Variants in SSR1 observed in about 807,000 individuals in gnomAD.
The protein encoded by SSR1 is signal sequence receptor subunit 1, also known as translocon-associated protein subunit alpha.
Under a neutral mutation model 36.1 loss-of-function variants are expected in SSR1, and 13 were observed. That is an observed-to-expected ratio of 0.36 (90% confidence interval 0.23 to 0.57). The LOEUF (loss-of-function observed/expected upper bound fraction) is 0.57, where lower values mean the gene tolerates loss of function less well. Among genes scored for constraint, SSR1 ranks in the 20% least tolerant of loss-of-function variants. The pLI is 0.81. For synonymous variants in SSR1, 113 were observed against 118.9 expected (o/e 0.95, Z 0.32); for missense variants, 291 against 338.5 (o/e 0.86, Z 1.10).
chr6:7,306,973 T>TC (rs1758082147), intron 2 of SSR1, among the ~76,000 whole-genome samples: 1 of 150,564 alleles, frequency 6.6e-6, no homozygotes, highest in Non-Finnish European at 1.5e-5. Flanking sequence ...AAAAGGTTTG[T>TC]CCTCAAAAAT....
At position 7,288,670 on chromosome 6, in the gene SSR1, A is replaced by AT. The variant is rs1757610623; in HGVS notation, c.*1193dup. 1 of 152,538 alleles carries AT rather than the reference A, an allele frequency of 6.6e-6. No homozygotes were observed. The highest frequency in any genetic ancestry group is 1.9e-4 in the East Asian group (1 of 5,190). The allele number at this position is 152,538 out of a possible 1,614,324, so 9.4% of individuals were successfully genotyped here. On this transcript the variant is annotated 3_prime_UTR_variant, in exon 8 of 8. Coordinates refer to ENST00000244763, the MANE Select transcript of SSR1 (RefSeq NM_003144.5). ...GGAGAGCCTCTTAATTGTTCATACT[A>AT]TTTTACTTCACCCTCCATCCAGTCT...
In SSR1 at chr6:7,308,722, T is replaced by C. The variant is rs9379087; in HGVS notation, c.192+1195A>G. 1.5e-3 allele frequency among the ~76,000 whole-genome samples: 222 copies of C among 148,312 alleles called. 7 individuals carry two copies. In the East Asian group the frequency reaches 0.039, roughly 26 times the overall value. On this transcript the variant is annotated intron_variant, in intron 2 of 7. Transcript: ENST00000244763. ...TGTTTGTTGTCTGCTTCTCACCCCCTGCCATTAAAACACATATAACTGCCC... is the reference window on the plus strand; with the variant it reads ...TGTTTGTTGTCTGCTTCTCACCCCCCGCCATTAAAACACATATAACTGCCC...
rs1757421684 is a variant in SSR1, at chr6:7,281,669, A to G, written c.*8195T>C. 1.3e-5 allele frequency: 2 copies of G among 152,378 alleles called. No individual in the cohort carries two copies. The highest frequency in any genetic ancestry group is 2.1e-4 in the South Asian group (1 of 4,834). 9.4% of individuals were successfully genotyped at this position (152,378 alleles called of 1,614,324 possible). Reference sequence around the variant, plus strand: ...GCAGAGCCAAAACTGGAAGTCACTTATTAAATACCTGTGTACAAAACACCA... The same window carrying G: ...GCAGAGCCAAAACTGGAAGTCACTTGTTAAATACCTGTGTACAAAACACCA... On this transcript the variant is annotated 3_prime_UTR_variant, in exon 8 of 8. Coordinates refer to ENST00000244763, the MANE Select transcript of SSR1 (RefSeq NM_003144.5).
chr6:7,306,375 C>T (rs1291113453), intron 2 of SSR1, among the ~76,000 whole-genome samples: 1 of 151,744 alleles, frequency 6.6e-6, no homozygotes, highest in Non-Finnish European at 1.5e-5. Context: ...GATCTCCTGA[C>T]CTCGTGATCC....
intron 3 of SSR1, among the ~76,000 whole-genome samples, chr6:7,302,673 A>T (rs769832836): frequency 2.6e-5 from 4 of 152,042 alleles, no homozygotes; most frequent in Non-Finnish European, 5.9e-5. Flanking sequence ...GAGTCAGGAG[A>T]ATCACTTGAA....
intron 3 of SSR1, among the ~76,000 whole-genome samples, chr6:7,303,308 C>T (rs887447549): frequency 3.9e-5 from 6 of 152,090 alleles, no homozygotes; most frequent in Admixed American, 1.3e-4. Context: ...GCCTGGGTGA[C>T]AGAGCCAGAC....
rs1008962931 is a variant in SSR1, at chr6:7,283,134, C to A, written c.*6730G>T. ...TCACTCTGTCACCCAGGCTGGAGTG[C>A]AGTGGTGCAACCTTGACTCACTACA... On this transcript the variant is annotated 3_prime_UTR_variant, in exon 8 of 8. Coordinates refer to ENST00000244763, the MANE Select transcript of SSR1 (RefSeq NM_003144.5). 1 of 152,242 alleles carries A rather than the reference C, an allele frequency of 6.6e-6. No individual in the cohort carries two copies. Among genetic ancestry groups the A allele is most frequent in the Admixed American group, 6.5e-5 (1 of 15,282 alleles). The allele number at this position is 152,242 out of a possible 1,614,324, so 9.4% of individuals were successfully genotyped here.
At chr6:7,311,420 A>G (rs1161136692) in intron 1 of SSR1, among the ~76,000 whole-genome samples, 2 of 152,260 alleles carry the variant, frequency 1.3e-5, no homozygotes, top group Non-Finnish European at 2.9e-5. Flanking sequence ...GTTAAGGACC[A>G]TGCATTTGCA....
In SSR1 at chr6:7,289,737, T is replaced by C. The variant is rs912381267; in HGVS notation, c.*127A>G. 8 of 766,724 alleles carry C rather than the reference T, an allele frequency of 1.0e-5. No homozygotes were observed. Among genetic ancestry groups the C allele is most frequent in the African/African-American group, 3.7e-5 (2 of 53,528 alleles). The allele number at this position is 766,724 out of a possible 1,614,324, so 47.5% of individuals were successfully genotyped here. ...GCAATATTATCGCCACAGACTCTGA[T>C]TGCTCAGTCCACACACAAGTAGGAG... On this transcript the variant is annotated 3_prime_UTR_variant, in exon 8 of 8. Coordinates refer to ENST00000244763, the MANE Select transcript of SSR1 (RefSeq NM_003144.5).
intron 2 of SSR1, among the ~76,000 whole-genome samples, chr6:7,305,751 AAAATCTGATAGAGTTC>A (rs56162921): frequency 0.31 from 46,379 of 151,890 alleles, 7,346 homozygotes; most frequent in East Asian, 0.51. Context: ...TAGAAAATAC[AAAATCTGATAGAGTTC>A]ATGCTTGATG....
chr6:7,298,651 C>T, intron 5 of SSR1, 96 bp downstream of exon 5: 2 of 862,576 alleles, frequency 2.3e-6, no homozygotes, highest in South Asian at 2.9e-5. Flanking sequence ...CAGTTCATTC[C>T]ATCGTCAACA....
chr6:7,303,121 A>G (rs1236349612), intron 3 of SSR1, among the ~76,000 whole-genome samples: 2 of 136,238 alleles, frequency 1.5e-5, no homozygotes, highest in Admixed American at 1.6e-4. Context: ...CCTGGGTGAC[A>G]GAGCGAGACT....
rs1008416728 is a variant in SSR1, at chr6:7,295,958, T to C, written c.700-473A>G. Among the ~76,000 whole-genome samples, 5 of 152,326 alleles carry C rather than the reference T, an allele frequency of 3.3e-5. No individual in the cohort carries two copies. The South Asian group carries it at 1.0e-3, about 32-fold the overall frequency. On this transcript the variant is annotated intron_variant, in intron 6 of 7. Transcript: ENST00000244763. ...ACTTTATTTCCCTTTAGGAATCAAA[T>C]TGTAATCAAAGAATAAATTTATTTC...
In SSR1 at chr6:7,289,810, C is replaced by A; in HGVS notation, c.*54G>T. ...TTCTCTGCACTAATTCCCATCAGGCCGAAAAATATTAGGGCAGGTTAAGTA... is the reference window on the plus strand; with the variant it reads ...TTCTCTGCACTAATTCCCATCAGGCAGAAAAATATTAGGGCAGGTTAAGTA... On this transcript the variant is annotated 3_prime_UTR_variant, in exon 8 of 8. Coordinates refer to ENST00000244763, the MANE Select transcript of SSR1 (RefSeq NM_003144.5). 6.6e-7 allele frequency: 1 copy of A among 1,520,374 alleles called. No homozygotes were observed. Among genetic ancestry groups the A allele is most frequent in the South Asian group, 1.3e-5 (1 of 76,850 alleles). 94.2% of individuals were successfully genotyped at this position (1,520,374 alleles called of 1,614,324 possible). A position where few individuals can be genotyped will look rare whatever the true frequency, so the allele number is the denominator to read the frequency against.
At chr6:7,312,203 A>G (rs1758210167) in intron 1 of SSR1, among the ~76,000 whole-genome samples, 1 of 152,218 alleles carries the variant, frequency 6.6e-6, no homozygotes, top group Non-Finnish European at 1.5e-5. Context: ...AAGTTGCCAT[A>G]TTTTTATATT....
intron 7 of SSR1, among the ~76,000 whole-genome samples, chr6:7,292,271 TTC>T (rs1327455670): frequency 6.6e-6 from 1 of 152,222 alleles, no homozygotes; most frequent in Non-Finnish European, 1.5e-5. Flanking sequence ...CCTTCCATGC[TTC>T]TCTTTCCTAG....
At chr6:7,298,606 T>C (rs1757854639) in intron 5 of SSR1, 141 bp downstream of exon 5, 2 of 606,470 alleles carry the variant, frequency 3.3e-6, no homozygotes, top group South Asian at 4.5e-5. Context: ...ATCTGAAGTA[T>C]GAATGAATAT....
intron 6 of SSR1, 93 bp downstream of exon 6, chr6:7,297,830 C>G: frequency 1.1e-6 from 1 of 880,212 alleles, no homozygotes; most frequent in South Asian, 1.5e-5. Flanking sequence ...TACAAACCCA[C>G]AGTGACAGTA....
intron 7 of SSR1, among the ~76,000 whole-genome samples, chr6:7,292,080 A>C (rs1581627308): frequency 6.6e-6 from 1 of 152,288 alleles, no homozygotes; most frequent in East Asian, 1.9e-4. Context: ...AAAGAAAAAA[A>C]AACAGATGTG....
Sources: gnomAD v4.1 joint callset for allele counts (sites outside exome capture counted in the v4.1 genomes callset) on GRCh38, gnomAD v4.1.1 for gene constraint, MANE v1.5 for transcripts, NCBI Gene and HGNC (gene_info 2026-07-23, HGNC 2026-07-21) for gene names.